Variants in DLG2 observed in about 807,000 individuals in gnomAD.
DLG2 encodes disks large homolog 2.
A neutral mutation model predicts 132.5 loss-of-function variants in DLG2; 45 were observed. That is an observed-to-expected ratio of 0.34 (90% CI 0.27 to 0.44). The LOEUF (loss-of-function observed/expected upper bound fraction) is 0.44. Among genes scored for constraint, DLG2 ranks in the 20% least tolerant of loss-of-function variants. The pLI, the probability that DLG2 is intolerant of heterozygous loss-of-function variation, is 1.00. For missense variants in DLG2, 1,045 were observed against 1,196.9 expected (o/e 0.87, Z 1.87); for synonymous variants, 424 against 419.6 (o/e 1.01, Z -0.13).
intron 19 of DLG2, among the ~76,000 whole-genome samples, chr11:83,549,779 CAG>C (rs1239120871): frequency 6.6e-6 from 1 of 152,140 alleles, no homozygotes; most frequent in Non-Finnish European, 1.5e-5. Flanking sequence ...GTCTTGAAAA[CAG>C]AGGAGGCACC....
chr11:84,838,794 G>C (rs1049711565), intron 6 of DLG2, among the ~76,000 whole-genome samples: 16 of 151,890 alleles, frequency 1.1e-4, no homozygotes, highest in Admixed American at 2.0e-4. Flanking sequence ...ATTCAACAAC[G>C]CTTCATGCTA....
chr11:83,882,112 GAA>G (rs567872297), intron 15 of DLG2, among the ~76,000 whole-genome samples: 1 of 151,628 alleles, frequency 6.6e-6, no homozygotes, highest in Non-Finnish European at 1.5e-5. Context: ...TAGAACTTCA[GAA>G]AAAAAATGGG....
At chr11:84,629,897 C>CT (rs1565499500) in intron 6 of DLG2, among the ~76,000 whole-genome samples, 1 of 152,092 alleles carries the variant, frequency 6.6e-6, no homozygotes, top group Admixed American at 6.6e-5. Flanking sequence ...AGTTCCTCTA[C>CT]TTTTTTCTCA....
chr11:84,730,494 T>C (rs1319141365), intron 6 of DLG2, among the ~76,000 whole-genome samples: 1 of 152,012 alleles, frequency 6.6e-6, no homozygotes, highest in East Asian at 1.9e-4. Flanking sequence ...CACAGCAAAA[T>C]TCCTGTGAAA....
intron 6 of DLG2, among the ~76,000 whole-genome samples, chr11:85,108,489 T>C (rs980443037): frequency 6.6e-6 from 1 of 152,052 alleles, no homozygotes; most frequent in African/African-American, 2.4e-5. Context: ...TACCAGAATT[T>C]CATACATATC....
At chr11:84,108,509 T>C (rs2093125258) in intron 9 of DLG2, among the ~76,000 whole-genome samples, 1 of 152,118 alleles carries the variant, frequency 6.6e-6, no homozygotes, top group Non-Finnish European at 1.5e-5. Context: ...GTGTGGCAGT[T>C]AAGTATTCTT....
At chr11:84,134,303 T>C (rs1299024998) in intron 9 of DLG2, among the ~76,000 whole-genome samples, 1 of 151,986 alleles carries the variant, frequency 6.6e-6, no homozygotes, top group Non-Finnish European at 1.5e-5. Flanking sequence ...TTTGCAATTA[T>C]CATGTCACAG....
At chr11:85,493,413 T>A (rs1435545310) in intron 3 of DLG2, among the ~76,000 whole-genome samples, 1 of 152,154 alleles carries the variant, frequency 6.6e-6, no homozygotes, top group Non-Finnish European at 1.5e-5. Context: ...AATGTCACCT[T>A]CTAAAGAGGA....
chr11:85,122,673 G>A (rs546518912), intron 5 of DLG2, among the ~76,000 whole-genome samples: 17 of 151,920 alleles, frequency 1.1e-4, no homozygotes, highest in Non-Finnish European at 2.2e-4. Flanking sequence ...AGTTTCACAC[G>A]GGGACTAAGA....
intron 6 of DLG2, among the ~76,000 whole-genome samples, chr11:84,916,509 T>G (rs2092480625): frequency 6.6e-6 from 1 of 151,910 alleles, no homozygotes; most frequent in Non-Finnish European, 1.5e-5. Flanking sequence ...AGAAGATAGA[T>G]ATCAAAAATT....
intron 16 of DLG2, among the ~76,000 whole-genome samples, chr11:83,857,112 T>G (rs1384453489): frequency 6.6e-6 from 1 of 152,212 alleles, no homozygotes; most frequent in Non-Finnish European, 1.5e-5. Flanking sequence ...TTTGTCAGGT[T>G]TGTCAAAATC....
At chr11:84,400,747 C>G (rs2098826460) in intron 7 of DLG2, among the ~76,000 whole-genome samples, 4 of 152,118 alleles carry the variant, frequency 2.6e-5, no homozygotes, top group Admixed American at 2.6e-4. Context: ...ACAGACTAGA[C>G]AGCAGATTTA....
intron 20 of DLG2, among the ~76,000 whole-genome samples, chr11:83,537,628 A>G (rs1462860524): frequency 6.6e-6 from 1 of 151,902 alleles, no homozygotes; most frequent in Non-Finnish European, 1.5e-5. Flanking sequence ...CAGCCTGGCC[A>G]ATGTGGTGAA....
intron 4 of DLG2, among the ~76,000 whole-genome samples, chr11:85,238,801 A>G (rs1258466343): frequency 6.6e-6 from 1 of 151,978 alleles, no homozygotes; most frequent in Non-Finnish European, 1.5e-5. Context: ...GCCTGCTGGT[A>G]TACCTGAAGT....
chr11:85,192,474 C>T (rs1204919816), intron 4 of DLG2, among the ~76,000 whole-genome samples: 2 of 152,024 alleles, frequency 1.3e-5, no homozygotes, highest in African/African-American at 2.4e-5. Flanking sequence ...AGGGGGAGTG[C>T]CTGATTGGCC....
At chr11:84,689,052 C>T (rs1398028079) in intron 6 of DLG2, among the ~76,000 whole-genome samples, 1 of 152,168 alleles carries the variant, frequency 6.6e-6, no homozygotes, top group East Asian at 1.9e-4. Context: ...AGCACAGTTG[C>T]TGACATGTAG....
chr11:84,077,271 T>C (rs2096841978), intron 10 of DLG2, among the ~76,000 whole-genome samples: 1 of 152,182 alleles, frequency 6.6e-6, no homozygotes, highest in Non-Finnish European at 1.5e-5. Flanking sequence ...CTAGTCTGAG[T>C]TTCCTCACAA....
At chr11:83,470,426 G>A (rs11233627) in intron 24 of DLG2, among the ~76,000 whole-genome samples, 1 of 152,110 alleles carries the variant, frequency 6.6e-6, no homozygotes, top group Non-Finnish European at 1.5e-5. Flanking sequence ...TTTCTTTTTA[G>A]TGTTTTTGAA....
intron 11 of DLG2, among the ~76,000 whole-genome samples, chr11:84,042,833 G>A (rs562098107): frequency 1.8e-4 from 27 of 151,996 alleles, no homozygotes; most frequent in African/African-American, 6.0e-4. Flanking sequence ...GCTGAACAAT[G>A]AGAACACATG....
Sources: allele counts gnomAD v4.1 joint callset (sites outside exome capture counted in the v4.1 genomes callset), GRCh38; gene constraint gnomAD v4.1.1; transcripts MANE v1.5; gene names NCBI Gene and HGNC (gene_info 2026-07-23, HGNC 2026-07-21).